ANKRD11: variants seen among roughly 807,000 people sequenced by gnomAD.
ANKRD11 encodes the protein ankyrin repeat domain 11, also known as ankyrin repeat domain-containing protein 11.
In ANKRD11, 17 loss-of-function variants were observed where a neutral mutation model predicts 195.7. The observed-to-expected ratio is 0.09, with a 90% CI of 0.06 to 0.13. The LOEUF is 0.13. Ranked by LOEUF, ANKRD11 falls within the 10% of genes least tolerant of loss-of-function variation. The pLI, the probability that ANKRD11 is intolerant of heterozygous loss-of-function variation, is 1.00. For missense variants in ANKRD11, 3,735 were observed against 3,566.1 expected (o/e 1.05, Z -1.21); for synonymous variants, 1,953 against 1,528.1 (o/e 1.28, Z -6.49).
chr16:89,397,180 C>T (rs1159275521), intron 2 of ANKRD11, among the ~76,000 whole-genome samples: 5 of 152,202 alleles, frequency 3.3e-5, no homozygotes, highest in Admixed American at 6.5e-5. Context: ...CAGGCTCCTC[C>T]ACGTCCAACG....
At chr16:89,377,264 C>A (rs912906838) in intron 2 of ANKRD11, among the ~76,000 whole-genome samples, 2 of 151,956 alleles carry the variant, frequency 1.3e-5, no homozygotes, top group Non-Finnish European at 2.9e-5. Flanking sequence ...GGACTGTCAA[C>A]ATGGGAGAGA....
chr16:89,441,009 G>A (rs577417217), intron 1 of ANKRD11, among the ~76,000 whole-genome samples: 13 of 152,230 alleles, frequency 8.5e-5, no homozygotes, highest in African/African-American at 2.2e-4. Flanking sequence ...AGGCCGAGGC[G>A]GGCAGATCAT....
chr16:89,452,731 G>T, intron 1 of ANKRD11, among the ~76,000 whole-genome samples: 1 of 128,448 alleles, frequency 7.8e-6, no homozygotes, highest in Admixed American at 9.8e-5. Context: ...AGTGAGCAGA[G>T]ATCATGCCAT....
intron 3 of ANKRD11, among the ~76,000 whole-genome samples, chr16:89,313,821 C>G (rs538463512): frequency 6.6e-6 from 1 of 152,306 alleles, no homozygotes; most frequent in South Asian, 2.1e-4. Flanking sequence ...AGCTACTGTT[C>G]AAGCTAAGAA....
intron 3 of ANKRD11, among the ~76,000 whole-genome samples, chr16:89,311,038 G>A (rs1597581375): frequency 6.6e-6 from 1 of 152,348 alleles, no homozygotes; most frequent in East Asian, 1.9e-4. Flanking sequence ...TTTCACAGAT[G>A]CTCTCTGTCA....
intron 2 of ANKRD11, among the ~76,000 whole-genome samples, chr16:89,417,073 A>G (rs924794608): frequency 1.3e-5 from 2 of 152,144 alleles, no homozygotes; most frequent in East Asian, 3.9e-4. Flanking sequence ...ACAATTCTAG[A>G]CCTATTTTCA....
At chr16:89,330,341 G>A (rs1374497768) in intron 2 of ANKRD11, among the ~76,000 whole-genome samples, 1 of 152,104 alleles carries the variant, frequency 6.6e-6, no homozygotes, top group African/African-American at 2.4e-5. Flanking sequence ...CCTGGCTCAG[G>A]ATGTGAGTCA....
At chr16:89,330,994 C>T (rs1018371078) in intron 2 of ANKRD11, among the ~76,000 whole-genome samples, 1 of 152,228 alleles carries the variant, frequency 6.6e-6, no homozygotes, top group African/African-American at 2.4e-5. Flanking sequence ...CACTTTGTCG[C>T]CCAGGCTGGA....
At chr16:89,462,133 G>A (rs919258277) in intron 1 of ANKRD11, among the ~76,000 whole-genome samples, 1 of 145,550 alleles carries the variant, frequency 6.9e-6, no homozygotes, top group Non-Finnish European at 1.5e-5. Flanking sequence ...ATGCTGAGTC[G>A]AAGCTGGACT....
At position 89,281,058 on chromosome 16, in the gene ANKRD11, C is replaced by T. The variant is rs140164595; in HGVS notation, c.5484G>A (p.Ser1828=). The part of the protein sequence containing the change: ...ASSYDSPMPP[S]MEDRAPLPPV... ...GGGGCAGGGGCGCCCTGTCTTCCATCGAGGGTGGCATGGGAGAGTCGTAGC... is the reference window on the plus strand; with the variant it reads ...GGGGCAGGGGCGCCCTGTCTTCCATTGAGGGTGGCATGGGAGAGTCGTAGC... Residue 1828 remains serine, a synonymous_variant, in exon 9 of 13, where the codon TCG becomes TCA. Transcript: ENST00000301030. This position sits in a 1 kb window ranked among gnomAD's most constrained non-coding sequence, Gnocchi z 5.5. 5.4e-5 allele frequency: 87 copies of T among 1,605,632 alleles called. No individual in the cohort carries two copies. The highest frequency in any genetic ancestry group is 7.2e-5 in the Non-Finnish European group (84 of 1,174,276).
intron 2 of ANKRD11, among the ~76,000 whole-genome samples, chr16:89,415,851 C>CAAAAAAAAAAAAAAA (rs1567774240): frequency 1.3e-5 from 1 of 77,116 alleles, no homozygotes; most frequent in African/African-American, 5.3e-5. Context: ...AAAAAAAAAA[C>CAAAAAAAAAAAAAAA]AATGGAGAAC....
chr16:89,305,214 G>C lies in ANKRD11; in HGVS notation c.218C>G (p.Ser73Trp). ...GGGCCGCGGGCTGGTACCTGTGTCCGAGTCCTTCTGCTCCCCATTGGCGCC... is the reference window on the plus strand; with the variant it reads ...GGGCCGCGGGCTGGTACCTGTGTCCCAGTCCTTCTGCTCCCCATTGGCGCC... The part of the protein sequence containing the change: ...TAGANGEQKD[S>W]DTEKQGPERK... Residue 73 changes from serine to tryptophan, a missense_variant, in exon 4 of 13, where the codon TCG becomes TGG. Coordinates refer to ENST00000301030, the MANE Select transcript of ANKRD11 (RefSeq NM_013275.6). 1 of 1,612,586 alleles carries C rather than the reference G, an allele frequency of 6.2e-7. No individual in the cohort carries two copies. The highest frequency in any genetic ancestry group is 8.5e-7 in the Non-Finnish European group (1 of 1,179,756).
chr16:89,393,430 T>C (rs1036157290), intron 2 of ANKRD11, among the ~76,000 whole-genome samples: 1 of 150,968 alleles, frequency 6.6e-6, no homozygotes, highest in Non-Finnish European at 1.5e-5. Context: ...TTCAAGCAAT[T>C]CTCCCACCTC....
intron 4 of ANKRD11, chr16:89,300,100 G>A (rs1329208678): frequency 6.9e-5 from 14 of 204,022 alleles, no homozygotes; most frequent in African/African-American, 1.1e-4. Flanking sequence ...TGTGTGGGGT[G>A]CCTGCCCTGT....
chr16:89,415,829 CAAAAAAAAAA>C (rs71134220), intron 2 of ANKRD11, among the ~76,000 whole-genome samples: 7 of 39,744 alleles, frequency 1.8e-4, no homozygotes, highest in South Asian at 1.2e-3. Flanking sequence ...GACTCTGTCT[CAAAAAAAAAA>C]AAAAAAAAAA....
Position 89,291,259 on chromosome 16 carries a change from T to C in ANKRD11, c.227-76A>G. ...CCTCCAAAGCTAGGTCCTTACCTAA[T>C]GTTACGGAGCCCCCTGCGTCCACCT... is the stretch of plus-strand genomic sequence containing the variant. On this transcript the variant is annotated intron_variant, in intron 4 of 12. Transcript: ENST00000301030. The surrounding 1 kb of genome is among the most constrained non-coding windows in gnomAD (Gnocchi z 5.3). 1.3e-6 allele frequency: 2 copies of C among 1,563,430 alleles called. No individual in the cohort carries two copies. Among genetic ancestry groups the C allele is most frequent in the African/African-American group, 1.4e-5 (1 of 74,066 alleles).
intron 2 of ANKRD11, chr16:89,323,363 A>C (rs2037457998): frequency 1.6e-6 from 2 of 1,285,488 alleles, no homozygotes; most frequent in Non-Finnish European, 2.0e-6. Context: ...CTGGCCTCTC[A>C]CCTCTCACCA....
chr16:89,456,872 G>C lies in ANKRD11; in HGVS notation c.-145+33373C>G, dbSNP rs2056459704. 2.0e-5 allele frequency among the ~76,000 whole-genome samples: 3 copies of C among 151,948 alleles called. No individual in the cohort carries two copies. The South Asian group carries it at 6.2e-4, about 31-fold the overall frequency. ...TCCTGGAATAGACATAATGGTGCTA[G>C]TTGCACAAAGTTGTAAATGTGCTAC... On this transcript the variant is annotated intron_variant, in intron 1 of 12. Coordinates refer to ENST00000301030, the MANE Select transcript of ANKRD11 (RefSeq NM_013275.6).
intron 2 of ANKRD11, chr16:89,339,981 A>T (rs527330261): frequency 6.6e-6 from 1 of 152,334 alleles, no homozygotes; most frequent in South Asian, 2.1e-4. Context: ...ATCTGTGTGG[A>T]TACAGGCAGT....
Sources: gnomAD v4.1 joint callset for allele counts (sites outside exome capture counted in the v4.1 genomes callset) on GRCh38, gnomAD v4.1.1 for gene constraint, Gnocchi (gnomAD v3.1) non-coding constraint, MANE v1.5 for transcripts, NCBI Gene and HGNC (gene_info 2026-07-23, HGNC 2026-07-21) for gene names.